DAB1: variants seen among roughly 807,000 people sequenced by gnomAD.
DAB1 encodes DAB adaptor protein 1, also known as disabled homolog 1.
DAB1 carries 15 observed loss-of-function variants against 64.6 expected under a neutral mutation model. The ratio of observed to expected loss-of-function variants is 0.23; its 90% CI spans 0.16 to 0.36. The LOEUF is 0.36. Among genes scored for constraint, DAB1 ranks in the 10% least tolerant of loss-of-function variants. The probability of loss-of-function intolerance (pLI) is 1.00; values close to 1 mark genes in which losing one functional copy is unlikely to be tolerated. For missense variants in DAB1, 596 were observed against 706.7 expected, an observed-to-expected ratio of 0.84 and a Z score of 1.78; for synonymous variants, 235 against 251.9, an observed-to-expected ratio of 0.93 and a Z score of 0.64.
At chr1:58,264,252 A>C (rs1190098183) in intron 4 of DAB1, among the ~76,000 whole-genome samples, 3 of 152,236 alleles carry the variant, frequency 2.0e-5, no homozygotes, top group Non-Finnish European at 4.4e-5. Flanking sequence ...AACATTTATT[A>C]AATATGTGAT....
At chr1:57,803,700 G>T (rs1225727939) in intron 6 of DAB1, among the ~76,000 whole-genome samples, 6 of 152,172 alleles carry the variant, frequency 3.9e-5, no homozygotes, top group Admixed American at 3.9e-4. Flanking sequence ...TTGTTCTCTG[G>T]ATCTAGAACT....
intron 5 of DAB1, among the ~76,000 whole-genome samples, chr1:58,127,975 G>T (rs1187236808): frequency 5.3e-5 from 8 of 152,004 alleles, no homozygotes; most frequent in Middle Eastern, 3.2e-3. Flanking sequence ...CTTTAAAGTA[G>T]TTTTTTCCAA....
At chr1:57,554,344 C>G (rs1028357093) in intron 7 of DAB1, among the ~76,000 whole-genome samples, 6 of 152,214 alleles carry the variant, frequency 3.9e-5, no homozygotes, top group African/African-American at 7.2e-5. Flanking sequence ...TTGAATTTTC[C>G]TAGCTTTGTG....
intron 1 of DAB1, among the ~76,000 whole-genome samples, chr1:58,538,110 A>G (rs1307411254): frequency 6.6e-6 from 1 of 152,226 alleles, no homozygotes. Flanking sequence ...TGTGGTAGTA[A>G]GAAGGCTAGA....
intron 4 of DAB1, among the ~76,000 whole-genome samples, chr1:57,126,792 C>G (rs1657165239): frequency 6.6e-6 from 1 of 152,218 alleles, no homozygotes; most frequent in Non-Finnish European, 1.5e-5. Flanking sequence ...ACCCAGCCCC[C>G]AGGCTCAATC....
At chr1:57,822,147 T>C (rs1652150013), downstream of DAB1, among the ~76,000 whole-genome samples, 1 of 152,210 alleles carries the variant, frequency 6.6e-6, no homozygotes, top group Non-Finnish European at 1.5e-5. Flanking sequence ...ATATCATGAG[T>C]GAATTCAAGG....
chr1:57,751,834 T>TAAATA (rs1553125452), intron 6 of DAB1, among the ~76,000 whole-genome samples: 5 of 150,786 alleles, frequency 3.3e-5, no homozygotes, highest in African/African-American at 7.4e-5. Flanking sequence ...ATTCTTTACT[T>TAAATA]AATAAATAAA....
At chr1:58,541,593 G>C in intron 1 of DAB1, 1 of 94,486 alleles carries the variant, frequency 1.1e-5, no homozygotes, top group Non-Finnish European at 2.0e-5. Context: ...CTCCGGCGTG[G>C]GCAACAGAAT....
intron 5 of DAB1, among the ~76,000 whole-genome samples, chr1:57,991,858 A>AAAG (rs1646345854): frequency 6.9e-6 from 1 of 145,436 alleles, no homozygotes; most frequent in African/African-American, 2.6e-5. Context: ...AAAAAAAAAA[A>AAAG]AAAAAAAAAA....
chr1:57,271,834 C>T lies in DAB1; in HGVS notation c.67+19130G>A, dbSNP rs114024242. 3.2e-3 allele frequency among the ~76,000 whole-genome samples: 486 copies of T among 152,324 alleles called. 2 individuals are homozygous for T. Among genetic ancestry groups the T allele is most frequent in the African/African-American group, 0.011 (474 of 41,578 alleles). ...TCCACAGGGTGGGCTGTAATCACTACTGTCACACTGATTGTTCCAAACTCT... is the reference window on the plus strand; with the variant it reads ...TCCACAGGGTGGGCTGTAATCACTATTGTCACACTGATTGTTCCAAACTCT... On this transcript the variant is annotated intron_variant, in intron 2 of 14. Transcript: ENST00000371236.
At chr1:57,774,083 T>C (rs566488143) in intron 6 of DAB1, among the ~76,000 whole-genome samples, 1 of 151,844 alleles carries the variant, frequency 6.6e-6, no homozygotes, top group East Asian at 1.9e-4. Flanking sequence ...CATGAGTTAA[T>C]CTGGGGAAAA....
intron 6 of DAB1, among the ~76,000 whole-genome samples, chr1:57,664,189 C>T (rs942175729): frequency 1.3e-5 from 2 of 152,128 alleles, no homozygotes; most frequent in African/African-American, 4.8e-5. Context: ...ATTATTAGTT[C>T]TCTGAGCCAC....
intron 6 of DAB1, among the ~76,000 whole-genome samples, chr1:57,795,690 G>GAT (rs3081038): frequency 0.053 from 3,615 of 68,714 alleles, 157 homozygotes; most frequent in Non-Finnish European, 0.063. Context: ...TATGCTTGGA[G>GAT]ATATATATAT....
chr1:57,015,569 G>T, intron 11 of DAB1, 138 bp from the exon 12 acceptor site: 2 of 745,344 alleles, frequency 2.7e-6, no homozygotes, highest in Non-Finnish European at 4.3e-6. Context: ...GGGATGCCAA[G>T]ATGAACAAGA....
chr1:57,080,572 C>A (rs3768189), intron 4 of DAB1, among the ~76,000 whole-genome samples: 31,985 of 151,996 alleles, frequency 0.21, 4,027 homozygotes, highest in East Asian at 0.49. Context: ...GCATGAATTC[C>A]TTGCCTAAAT....
intron 3 of DAB1, among the ~76,000 whole-genome samples, chr1:58,356,657 C>T (rs1644114275): frequency 6.6e-6 from 1 of 152,050 alleles, no homozygotes; most frequent in African/African-American, 2.4e-5. Context: ...TAGAAAAGGG[C>T]TGAAAGACCA....
intron 1 of DAB1, among the ~76,000 whole-genome samples, chr1:57,407,549 GT>G (rs1196709699): frequency 6.6e-6 from 1 of 152,158 alleles, no homozygotes; most frequent in East Asian, 1.9e-4. Context: ...ACCAGGTATA[GT>G]TCAATTGTGT....
intron 6 of DAB1, among the ~76,000 whole-genome samples, chr1:57,785,881 C>T (rs752200170): frequency 2.0e-5 from 3 of 152,072 alleles, no homozygotes; most frequent in African/African-American, 4.8e-5. Flanking sequence ...AGAAGTTCTG[C>T]GGATAAAATG....
intron 6 of DAB1, among the ~76,000 whole-genome samples, chr1:57,660,433 G>A (rs113025413): frequency 3.3e-5 from 5 of 152,274 alleles, no homozygotes; most frequent in African/African-American, 7.2e-5. Flanking sequence ...TAGCACTTAC[G>A]GAACTCTTGA....
Sources: gnomAD v4.1 joint callset for allele counts (sites outside exome capture counted in the v4.1 genomes callset) on GRCh38, gnomAD v4.1.1 for gene constraint, MANE v1.5 for transcripts, NCBI Gene and HGNC (gene_info 2026-07-23, HGNC 2026-07-21) for gene names.